CNTLN: variants seen among roughly 807,000 people sequenced by gnomAD.
The protein encoded by CNTLN is centlein.
CNTLN carries 212 observed loss-of-function variants against 180.0 expected under a neutral mutation model. The observed-to-expected ratio is 1.18, with a 90% confidence interval of 1.05 to 1.32. The LOEUF (loss-of-function observed/expected upper bound fraction) is 1.32. Among genes scored for constraint, CNTLN ranks in the 40% most tolerant of loss-of-function variants. The pLI, the probability that CNTLN is intolerant of heterozygous loss-of-function variation, is 0.00. For missense variants in CNTLN, 2,095 were observed against 1,610.9 expected (o/e 1.30, Z -5.14); for synonymous variants, 722 against 563.1 (o/e 1.28, Z -3.99).
At chr9:17,422,963 T>A (rs1828823549) in intron 18 of CNTLN, among the ~76,000 whole-genome samples, 1 of 152,202 alleles carries the variant, frequency 6.6e-6, no homozygotes, top group Admixed American at 6.5e-5. Flanking sequence ...AACACTGTGA[T>A]TCTTGCAGAC....
chr9:17,513,493 C>G, the CNTLN span, among the ~76,000 whole-genome samples: 1 of 151,824 alleles, frequency 6.6e-6, no homozygotes, highest in African/African-American at 2.4e-5. Flanking sequence ...CCTAGGAGTT[C>G]AACACCAGCC....
intron 8 of CNTLN, 113 bp downstream of exon 8, chr9:17,309,365 A>C (rs1365298282): frequency 9.4e-6 from 8 of 850,478 alleles, no homozygotes; most frequent in Non-Finnish European, 1.2e-5. Context: ...GAGTATAAGA[A>C]GTGTGCAGAT....
Position 17,340,905 on chromosome 9 carries a change from G to A in CNTLN, c.1723G>A (p.Ala575Thr), listed in dbSNP as rs1163343070. The change falls in exon 11 of 26, where the codon GCA (alanine) becomes ACA (threonine). Residue 575 changes from alanine to threonine, a missense_variant. Coordinates refer to ENST00000380647, the MANE Select transcript of CNTLN (RefSeq NM_017738.4). ...RLQMLQTNYR[A>T]VKEQLKQWEE... Reference sequence around the variant, plus strand: ...ACAGATGTTACAGACCAACTACAGAGCAGTAAAAGAGCAATTAAAACAGTG... The same window carrying A: ...ACAGATGTTACAGACCAACTACAGAACAGTAAAAGAGCAATTAAAACAGTG... The A allele has an allele frequency of 1.6e-5, 25 of 1,612,084 alleles. No individual in the cohort carries two copies. In the Admixed American group the frequency reaches 4.2e-4, roughly 27 times the overall value.
rs193170510 is a variant in CNTLN at position 17,241,497 on chromosome 9, C to T, written c.849+4909C>T. On this transcript the variant is annotated intron_variant, in intron 5 of 25. Coordinates refer to ENST00000380647, the MANE Select transcript of CNTLN (RefSeq NM_017738.4). Reference sequence around the variant, plus strand: ...TTTGAAGTCAGGTGATGTGATTCCTCCAGTTTTGTTCTTTTTGCTCAGGAT... The same window carrying T: ...TTTGAAGTCAGGTGATGTGATTCCTTCAGTTTTGTTCTTTTTGCTCAGGAT... Among the ~76,000 whole-genome samples the T allele has an allele frequency of 5.3e-3, 812 of 152,136 alleles. 5 individuals carry two copies. The highest frequency in any genetic ancestry group is 8.0e-3 in the Admixed American group (122 of 15,292).
chr9:17,361,507 T>G (rs1235619142), intron 12 of CNTLN, among the ~76,000 whole-genome samples: 1 of 152,220 alleles, frequency 6.6e-6, no homozygotes, highest in Non-Finnish European at 1.5e-5. Context: ...CCTGGCCTTG[T>G]TGTGTTTCAT....
the CNTLN span, among the ~76,000 whole-genome samples, chr9:17,521,066 T>C: frequency 6.6e-6 from 1 of 152,180 alleles, no homozygotes; most frequent in East Asian, 1.9e-4. Context: ...ATTTAAACTG[T>C]TTATCTGTAA....
chr9:17,241,836 A>AT (rs1298947340), intron 5 of CNTLN, among the ~76,000 whole-genome samples: 1 of 151,732 alleles, frequency 6.6e-6, no homozygotes, highest in Non-Finnish European at 1.5e-5. Context: ...TACTTTCTTA[A>AT]TTTTTTTCAG....
chr9:17,300,587 T>G (rs1200059980), intron 7 of CNTLN: 1 of 152,258 alleles, frequency 6.6e-6, no homozygotes, highest in Non-Finnish European at 1.5e-5. Flanking sequence ...TGCCAGTTTC[T>G]TTGTTCTGAT....
chr9:17,353,286 CTTTTTTTT>C (rs36048699), intron 12 of CNTLN, among the ~76,000 whole-genome samples: 1 of 127,572 alleles, frequency 7.8e-6, no homozygotes, highest in Non-Finnish European at 1.6e-5. Flanking sequence ...AACTGCCAAA[CTTTTTTTT>C]TTTTTTTTTT....
At chr9:17,224,835 G>A (rs1385861189) in intron 2 of CNTLN, among the ~76,000 whole-genome samples, 1 of 151,520 alleles carries the variant, frequency 6.6e-6, no homozygotes. Flanking sequence ...TTTTTCTAGA[G>A]GATTGCATCT....
intron 14 of CNTLN, among the ~76,000 whole-genome samples, chr9:17,392,100 T>C (rs1224809970): frequency 6.6e-6 from 1 of 152,046 alleles, no homozygotes; most frequent in Non-Finnish European, 1.5e-5. Flanking sequence ...CGACCCCATC[T>C]CTACAAAATA....
chr9:17,263,653 C>G (rs1318926111), intron 5 of CNTLN, among the ~76,000 whole-genome samples: 1 of 145,516 alleles, frequency 6.9e-6, no homozygotes, highest in Non-Finnish European at 1.5e-5. Context: ...GTTTACAGTT[C>G]CACCAACAGT....
chr9:17,166,223 T>G (rs951033016), intron 2 of CNTLN, among the ~76,000 whole-genome samples: 1 of 151,676 alleles, frequency 6.6e-6, no homozygotes, highest in Non-Finnish European at 1.5e-5. Context: ...AGAGAAAGAG[T>G]ACTTGGAAAT....
At chr9:17,348,051 G>A (rs560361699) in intron 12 of CNTLN, among the ~76,000 whole-genome samples, 44 of 151,876 alleles carry the variant, frequency 2.9e-4, no homozygotes, top group Admixed American at 1.0e-3. Context: ...GTCTGGTATC[G>A]AACTCCTGAC....
At chr9:17,198,125 G>C (rs764493035) in intron 2 of CNTLN, among the ~76,000 whole-genome samples, 1 of 151,950 alleles carries the variant, frequency 6.6e-6, no homozygotes, top group Non-Finnish European at 1.5e-5. Flanking sequence ...GCCATGTTTT[G>C]GTTACTATAG....
intron 3 of CNTLN, among the ~76,000 whole-genome samples, chr9:17,234,948 T>C (rs917936010): frequency 2.0e-5 from 3 of 152,042 alleles, no homozygotes; most frequent in South Asian, 2.1e-4. Context: ...AAATATGAGA[T>C]TGGTGATTGG....
intron 2 of CNTLN, among the ~76,000 whole-genome samples, chr9:17,160,059 C>A (rs1186436693): frequency 6.6e-6 from 1 of 152,290 alleles, no homozygotes; most frequent in African/African-American, 2.4e-5. Flanking sequence ...TGTGAATTCA[C>A]TGACTTTAGA....
At chr9:17,390,526 G>A (rs1826036339) in intron 14 of CNTLN, among the ~76,000 whole-genome samples, 1 of 152,052 alleles carries the variant, frequency 6.6e-6, no homozygotes, top group South Asian at 2.1e-4. Context: ...TTACAGGCAT[G>A]AGCCACTGCA....
chr9:17,309,022 A>C (rs547486272), intron 7 of CNTLN, 36 bp from the exon 8 acceptor site: 1 of 1,366,520 alleles, frequency 7.3e-7, no homozygotes, highest in African/African-American at 1.5e-5. Flanking sequence ...AGTTTTATTG[A>C]TTATTAATAT....
Sources: allele counts gnomAD v4.1 joint callset (sites outside exome capture counted in the v4.1 genomes callset), GRCh38; gene constraint gnomAD v4.1.1; transcripts MANE v1.5; gene names NCBI Gene and HGNC (gene_info 2026-07-23, HGNC 2026-07-21).